The following CNNM2 variants were observed in gnomAD, a reference collection of about 807,000 sequenced individuals.
CNNM2 encodes metal transporter CNNM2.
A neutral mutation model predicts 66.9 loss-of-function variants in CNNM2; 12 were observed. The ratio of observed to expected loss-of-function variants is 0.18; its 90% CI spans 0.11 to 0.29. The LOEUF (loss-of-function observed/expected upper bound fraction) is 0.29, where lower values mean the gene tolerates loss of function less well. Ranked by LOEUF, CNNM2 falls within the 10% of genes least tolerant of loss-of-function variation. The pLI is 1.00. For synonymous variants in CNNM2, 557 were observed against 501.8 expected (o/e 1.11, Z -1.47); for missense variants, 705 against 1,167.7 (o/e 0.60, Z 5.77).
chr10:102,969,722 G>A (rs529543825), intron 1 of CNNM2, among the ~76,000 whole-genome samples: 39 of 151,456 alleles, frequency 2.6e-4, no homozygotes, highest in East Asian at 3.9e-4. Flanking sequence ...TCAGCTCACC[G>A]CAACCTCTGC....
chr10:102,942,266 G>A (rs575750878), intron 1 of CNNM2, among the ~76,000 whole-genome samples: 37 of 152,246 alleles, frequency 2.4e-4, no homozygotes, highest in African/African-American at 8.9e-4. Flanking sequence ...CACCATTCCA[G>A]AACGCTTTTC....
intron 1 of CNNM2, among the ~76,000 whole-genome samples, chr10:103,039,402 G>A (rs2065000070): frequency 6.6e-6 from 1 of 152,208 alleles, no homozygotes; most frequent in African/African-American, 2.4e-5. Context: ...CTCCCAAAGT[G>A]CTGGGATTTC....
At chr10:102,932,720 C>T (rs1159329045) in intron 1 of CNNM2, among the ~76,000 whole-genome samples, 1 of 152,002 alleles carries the variant, frequency 6.6e-6, no homozygotes, top group Non-Finnish European at 1.5e-5. Flanking sequence ...GAGTTCAAGA[C>T]CAGCCTGGCC....
chr10:103,053,617 A>G (rs752426263), intron 2 of CNNM2, among the ~76,000 whole-genome samples: 14 of 152,228 alleles, frequency 9.2e-5, no homozygotes, highest in Non-Finnish European at 7.3e-5. Flanking sequence ...TGATTGGAAA[A>G]CAGCCATGCT....
At chr10:103,008,878 G>A (rs1341675710) in intron 1 of CNNM2, among the ~76,000 whole-genome samples, 1 of 150,972 alleles carries the variant, frequency 6.6e-6, no homozygotes, top group South Asian at 2.1e-4. Context: ...AAGATTTTTC[G>A]AGTTCCCATT....
At chr10:103,019,774 C>T (rs576300228) in intron 1 of CNNM2, among the ~76,000 whole-genome samples, 114 of 152,068 alleles carry the variant, frequency 7.5e-4, no homozygotes, top group Non-Finnish European at 1.3e-3. Flanking sequence ...GTTCTATAGC[C>T]ATAATTGTTA....
Position 102,919,212 on chromosome 10 carries a change from C to G in CNNM2, c.732C>G (p.Ile244Met). 1 of 1,612,932 alleles carries G rather than the reference C, an allele frequency of 6.2e-7. No individual in the cohort carries two copies. Among genetic ancestry groups the G allele is most frequent in the Non-Finnish European group, 8.5e-7 (1 of 1,180,034 alleles). The change falls in exon 1 of 8, where the codon ATC becomes ATG. Residue 244 changes from isoleucine to methionine, a missense_variant. By Grantham distance (10) the Ile-to-Met change is conservative. Coordinates refer to ENST00000369878, the MANE Select transcript of CNNM2 (RefSeq NM_017649.5). ...ACGACGGCGAGGACACCAAGATGAT[C>G]GTAGGCGAAGAGAAGAAGTTCCTGC... Reference protein sequence around the residue: ...IYHDGEDTKMIVGEEKKFLLP... With the variant: ...IYHDGEDTKMMVGEEKKFLLP...
intron 1 of CNNM2, among the ~76,000 whole-genome samples, chr10:102,925,945 A>G (rs1845843717): frequency 6.6e-6 from 1 of 152,192 alleles, no homozygotes; most frequent in Non-Finnish European, 1.5e-5. Flanking sequence ...GTAATTAAAT[A>G]TAAGATGTTT....
At position 103,087,172 on chromosome 10, in the gene CNNM2, T is replaced by TTTA. The variant is rs1261111286; in HGVS notation, c.*9992_*9993insTTA. ...TTTTTTTTTTTTTTTTTTTTTTTTT[T>TTTA]AAGGAAAAAAGTATACCTTTTAAGT... On this transcript the variant is annotated 3_prime_UTR_variant, in exon 8 of 8. Coordinates refer to ENST00000369878, the MANE Select transcript of CNNM2 (RefSeq NM_017649.5). The TTTA allele has an allele frequency of 9.3e-6, 1 of 108,092 alleles. No homozygotes were observed. The highest frequency in any genetic ancestry group is 3.3e-5 in the African/African-American group (1 of 29,902). The allele number at this position is 108,092 out of a possible 1,614,324, so 6.7% of individuals were successfully genotyped here. A position where few individuals can be genotyped will look rare whatever the true frequency, so the allele number is the denominator to read the frequency against.
chr10:103,056,886 TGAG>T lies in CNNM2; in HGVS notation c.1996_1998del (p.Glu666del). The T allele has an allele frequency of 6.2e-7, 1 of 1,613,918 alleles. No individual in the cohort carries two copies. Among genetic ancestry groups the T allele is most frequent in the Non-Finnish European group, 8.5e-7 (1 of 1,179,858 alleles). On this transcript the variant is annotated inframe_deletion, in exon 4 of 8. Coordinates refer to ENST00000369878, the MANE Select transcript of CNNM2 (RefSeq NM_017649.5). ...ATGTCATCCAGGAACTGAAATATGA[TGAG>T]AAGAACAAGAAAGCCCCCGAATACT...
At chr10:103,021,296 T>G (rs892542055) in intron 1 of CNNM2, among the ~76,000 whole-genome samples, 1 of 152,048 alleles carries the variant, frequency 6.6e-6, no homozygotes, top group African/African-American at 2.4e-5. Context: ...GAGAGTAGAA[T>G]TCCCAGAACC....
At chr10:102,988,844 G>A (rs758355471) in intron 1 of CNNM2, among the ~76,000 whole-genome samples, 3 of 152,172 alleles carry the variant, frequency 2.0e-5, no homozygotes, top group Non-Finnish European at 4.4e-5. Flanking sequence ...CCACGGAAGT[G>A]AGGCTTAATG....
rs909873486 is a variant in CNNM2 at position 103,085,717 on chromosome 10, G to C, written c.*8537G>C. ...CCTCATCCTTAAACAGAGTCAGCAA[G>C]TTTGAGATGAAATGTTTGTGTTCAA... On this transcript the variant is annotated 3_prime_UTR_variant, in exon 8 of 8. Transcript: ENST00000369878. 6.6e-6 allele frequency: 1 copy of C among 152,202 alleles called. No homozygotes were observed. Among genetic ancestry groups the C allele is most frequent in the Admixed American group, 6.5e-5 (1 of 15,286 alleles). The allele number at this position is 152,202 out of a possible 1,614,324, so 9.4% of individuals were successfully genotyped here.
At chr10:103,041,977 C>T (rs1441987764) in intron 1 of CNNM2, among the ~76,000 whole-genome samples, 2 of 152,302 alleles carry the variant, frequency 1.3e-5, no homozygotes, top group East Asian at 3.9e-4. Flanking sequence ...TGTAGCTTAC[C>T]TCTGTGTCTC....
intron 1 of CNNM2, among the ~76,000 whole-genome samples, chr10:103,007,688 C>T (rs573135342): frequency 5.5e-4 from 83 of 152,286 alleles, no homozygotes; most frequent in Non-Finnish European, 9.1e-4. Flanking sequence ...TTATGGTTGT[C>T]TTCCCTTGTT....
intron 1 of CNNM2, among the ~76,000 whole-genome samples, chr10:102,940,417 A>G (rs1846386356): frequency 6.6e-6 from 1 of 151,594 alleles, no homozygotes. Context: ...GTTTTATTTT[A>G]TTTTATTTAT....
chr10:102,928,582 CAAAA>C (rs34854394), intron 1 of CNNM2, among the ~76,000 whole-genome samples: 6 of 121,000 alleles, frequency 5.0e-5, no homozygotes, highest in Admixed American at 8.3e-5. Context: ...AACTCTGTCT[CAAAA>C]AAAAAAAAAA....
chr10:103,007,584 C>T (rs1368299060), intron 1 of CNNM2, among the ~76,000 whole-genome samples: 2 of 152,102 alleles, frequency 1.3e-5, no homozygotes, highest in Non-Finnish European at 1.5e-5. Context: ...GAAAATAATT[C>T]GCGATATCTT....
At chr10:102,987,145 G>A (rs1052017467) in intron 1 of CNNM2, among the ~76,000 whole-genome samples, 3 of 152,102 alleles carry the variant, frequency 2.0e-5, no homozygotes, top group Non-Finnish European at 4.4e-5. Context: ...AGGGTTTAGG[G>A]TACAAAGGCT....
Sources: gnomAD v4.1 joint callset for allele counts (sites outside exome capture counted in the v4.1 genomes callset) on GRCh38, gnomAD v4.1.1 for gene constraint, MANE v1.5 for transcripts, NCBI Gene and HGNC (gene_info 2026-07-23, HGNC 2026-07-21) for gene names.